Variants in PRKG1 observed in about 807,000 individuals in gnomAD.
PRKG1 encodes the protein protein kinase cGMP-dependent 1, also known as cGMP-dependent protein kinase 1.
A neutral mutation model predicts 88.1 loss-of-function variants in PRKG1; 35 were observed. The observed-to-expected ratio is 0.40, with a 90% CI of 0.30 to 0.53. PRKG1 has a LOEUF of 0.53. Among genes scored for constraint, PRKG1 ranks in the 20% least tolerant of loss-of-function variants. The pLI, the probability that PRKG1 is intolerant of heterozygous loss-of-function variation, is 0.59. For missense variants in PRKG1, 540 were observed against 839.8 expected (o/e 0.64, Z 4.41); for synonymous variants, 303 against 292.5 (o/e 1.04, Z -0.37).
intron 3 of PRKG1, among the ~76,000 whole-genome samples, chr10:51,734,258 G>A (rs1251423179): frequency 1.3e-5 from 2 of 151,952 alleles, no homozygotes; most frequent in Non-Finnish European, 2.9e-5. Context: ...AAATATGCTG[G>A]GTGATAATGG....
At chr10:51,682,030 A>G (rs1840862967) in intron 3 of PRKG1, among the ~76,000 whole-genome samples, 2 of 152,164 alleles carry the variant, frequency 1.3e-5, no homozygotes, top group Non-Finnish European at 1.5e-5. Context: ...CATTTTTTGG[A>G]TAATCTGTCC....
intron 12 of PRKG1, among the ~76,000 whole-genome samples, chr10:52,279,316 T>A (rs1246801568): frequency 6.6e-6 from 1 of 152,166 alleles, no homozygotes; most frequent in Admixed American, 6.5e-5. Flanking sequence ...TCTCTTGTGC[T>A]CATAAATTCA....
At chr10:51,314,330 G>T (rs933514606) in intron 2 of PRKG1, among the ~76,000 whole-genome samples, 9 of 152,074 alleles carry the variant, frequency 5.9e-5, no homozygotes, top group Admixed American at 5.2e-4. Flanking sequence ...TCCTCTAGCT[G>T]ATTCCTGAAA....
intron 2 of PRKG1, among the ~76,000 whole-genome samples, chr10:51,254,542 A>T (rs1839507809): frequency 6.6e-6 from 1 of 152,008 alleles, no homozygotes; most frequent in African/African-American, 2.4e-5. Flanking sequence ...CTAGTAAAAC[A>T]ATAACAACAC....
intron 9 of PRKG1, among the ~76,000 whole-genome samples, chr10:52,221,824 G>T (rs2132825855): frequency 6.6e-6 from 1 of 152,256 alleles, no homozygotes; most frequent in African/African-American, 2.4e-5. Context: ...TTAATGCAAG[G>T]TGCTTTTAGC....
intron 2 of PRKG1, among the ~76,000 whole-genome samples, chr10:51,406,340 C>CT (rs956705014): frequency 6.6e-6 from 1 of 152,164 alleles, no homozygotes; most frequent in African/African-American, 2.4e-5. Context: ...ATTTCAAACT[C>CT]TTTTTTTCTT....
chr10:52,271,604 T>C (rs545358279), intron 11 of PRKG1, 115 bp downstream of exon 11: 1 of 1,089,272 alleles, frequency 9.2e-7, no homozygotes, highest in Non-Finnish European at 1.2e-6. Flanking sequence ...AAGAAACTTC[T>C]TTTTAATCTA....
intron 8 of PRKG1, among the ~76,000 whole-genome samples, chr10:52,140,034 G>A (rs1342167122): frequency 6.6e-6 from 1 of 152,116 alleles, no homozygotes; most frequent in Admixed American, 6.6e-5. Flanking sequence ...ATTGACATTT[G>A]AATTTATATC....
At chr10:51,674,529 TA>T (rs1215007073) in intron 3 of PRKG1, among the ~76,000 whole-genome samples, 7 of 152,234 alleles carry the variant, frequency 4.6e-5, no homozygotes, top group Admixed American at 1.3e-4. Context: ...TATCATTTCA[TA>T]AACAAGAAAT....
chr10:51,568,828 C>T (rs1837674524), intron 3 of PRKG1: 1 of 151,960 alleles, frequency 6.6e-6, no homozygotes, highest in Non-Finnish European at 1.5e-5. Context: ...GCTAGTATAA[C>T]TGATAATTAA....
rs1399630545 is a variant in PRKG1 at position 52,166,681 on chromosome 10, T to G, written c.1076+4718T>G. Among the ~76,000 whole-genome samples, 5 of 137,378 alleles carry G rather than the reference T, an allele frequency of 3.6e-5. No individual in the cohort carries two copies. The East Asian group carries it at 8.3e-4, about 23-fold the overall frequency. 90.1% of individuals were successfully genotyped at this position (137,378 alleles called of 152,430 possible). A position where few individuals can be genotyped will look rare whatever the true frequency, so the allele number is the denominator to read the frequency against. On this transcript the variant is annotated intron_variant, in intron 9 of 17. Coordinates refer to ENST00000373980, the MANE Select transcript of PRKG1 (RefSeq NM_006258.4). The stretch of plus-strand genomic sequence containing the variant: ...GATCCAGAAATATAAAAAAATTAAA[T>G]ACTTTGTTAAATATTTCTGACGTGT...
rs111599904 is a variant in PRKG1, at chr10:51,440,329, T to C, written c.479-27394T>C. On this transcript the variant is annotated intron_variant, in intron 2 of 17. Transcript: ENST00000373980. ...CAACTTTACAATTGTGCAGAAGAGA[T>C]GCACATTCAGTACATCCCTGGACTT... Among the ~76,000 whole-genome samples the C allele has an allele frequency of 3.9e-3, 587 of 152,054 alleles. 2 individuals carry two copies. The highest frequency in any genetic ancestry group is 0.013 in the African/African-American group (547 of 41,524).
intron 7 of PRKG1, among the ~76,000 whole-genome samples, chr10:52,093,163 T>C (rs962756573): frequency 1.3e-5 from 2 of 152,154 alleles, no homozygotes; most frequent in African/African-American, 2.4e-5. Context: ...TAGAAATACA[T>C]GACAAATATT....
At chr10:51,539,775 A>G (rs764760236) in intron 3 of PRKG1, among the ~76,000 whole-genome samples, 3 of 152,180 alleles carry the variant, frequency 2.0e-5, no homozygotes, top group Non-Finnish European at 4.4e-5. Context: ...TTTTTGTCCT[A>G]CTTCAAATGT....
At chr10:51,437,683 A>G (rs1481366597) in intron 2 of PRKG1, among the ~76,000 whole-genome samples, 1 of 151,832 alleles carries the variant, frequency 6.6e-6, no homozygotes, top group African/African-American at 2.4e-5. Context: ...GTAAATGAAT[A>G]AAGAGTTTTT....
intron 1 of PRKG1, among the ~76,000 whole-genome samples, chr10:51,077,926 T>G (rs906221608): frequency 6.6e-6 from 1 of 152,240 alleles, no homozygotes; most frequent in African/African-American, 2.4e-5. Context: ...TGAGATCAGA[T>G]AGCCTGTTGA....
At chr10:51,850,830 T>C (rs1289434328) in intron 4 of PRKG1, among the ~76,000 whole-genome samples, 1 of 152,210 alleles carries the variant, frequency 6.6e-6, no homozygotes, top group African/African-American at 2.4e-5. Flanking sequence ...TATGACAACA[T>C]ACTCTTTGAC....
At chr10:52,269,689 T>C (rs7083422) in intron 10 of PRKG1, among the ~76,000 whole-genome samples, 140 of 152,266 alleles carry the variant, frequency 9.2e-4, no homozygotes, top group Non-Finnish European at 1.7e-3. Flanking sequence ...GTTACATTAC[T>C]CCCAAATAAT....
intron 2 of PRKG1, among the ~76,000 whole-genome samples, chr10:51,237,543 T>C (rs1219725041): frequency 2.0e-5 from 3 of 152,156 alleles, no homozygotes; most frequent in Non-Finnish European, 4.4e-5. Context: ...GAATCCTTAC[T>C]ATGTGTCCCA....
Sources: allele counts gnomAD v4.1 joint callset (sites outside exome capture counted in the v4.1 genomes callset), GRCh38; gene constraint gnomAD v4.1.1; transcripts MANE v1.5; gene names NCBI Gene and HGNC (gene_info 2026-07-23, HGNC 2026-07-21).